Variants in FHOD3 observed in about 807,000 individuals in gnomAD.
FHOD3 encodes the protein formin homology 2 domain containing 3.
FHOD3 carries 90 observed loss-of-function variants against 173.0 expected under a neutral mutation model. The observed-to-expected ratio is 0.52, with a 90% CI of 0.44 to 0.62. The LOEUF is 0.62. Ranked by LOEUF, FHOD3 falls within the 20% of genes least tolerant of loss-of-function variation. The pLI, the probability that FHOD3 is intolerant of heterozygous loss-of-function variation, is 0.00. For synonymous variants in FHOD3, 828 were observed against 823.0 expected (o/e 1.01, Z -0.10); for missense variants, 1,945 against 2,034.7 (o/e 0.96, Z 0.85).
intron 3 of FHOD3, among the ~76,000 whole-genome samples, chr18:36,482,854 CACACAG>C (rs2053989845): frequency 2.3e-4 from 23 of 97,966 alleles, no homozygotes; most frequent in African/African-American, 8.7e-4. Flanking sequence ...CACTCACACA[CACACAG>C]AGAGAGAGAG....
chr18:36,344,317 T>G (rs1847754077), intron 1 of FHOD3, among the ~76,000 whole-genome samples: 1 of 152,184 alleles, frequency 6.6e-6, no homozygotes, highest in Admixed American at 6.5e-5. Flanking sequence ...CAATACTACT[T>G]CATGGGATTT....
chr18:36,578,977 A>G (rs1158812244), intron 6 of FHOD3, among the ~76,000 whole-genome samples: 2 of 152,206 alleles, frequency 1.3e-5, no homozygotes, highest in Admixed American at 6.5e-5. Flanking sequence ...TTTGTTTTCT[A>G]TGGAAAATGG....
intron 3 of FHOD3, among the ~76,000 whole-genome samples, chr18:36,466,789 A>G (rs745804793): frequency 6.6e-6 from 1 of 152,120 alleles, no homozygotes; most frequent in Non-Finnish European, 1.5e-5. Context: ...AGAGTTTCTG[A>G]AAAACAACTC....
rs550215555 is a variant in FHOD3, at chr18:36,571,138, AAATC to A, written c.512-5310_512-5307del. On this transcript the variant is annotated intron_variant, in intron 5 of 28. Coordinates refer to ENST00000590592, the MANE Select transcript of FHOD3 (RefSeq NM_001281740.3). The stretch of plus-strand genomic sequence containing the variant: ...AGGAAATCTACAAAAACAAAACAAA[AAATC>A]AAACACTCCTAGAATTAATGTTTAA... Among the ~76,000 whole-genome samples, 604 of 152,314 alleles carry A rather than the reference AAATC, an allele frequency of 4.0e-3. 1 individual carries two copies. The highest frequency in any genetic ancestry group is 7.1e-3 in the Non-Finnish European group (486 of 68,006).
intron 14 of FHOD3, among the ~76,000 whole-genome samples, chr18:36,659,898 G>A (rs1308634633): frequency 6.6e-6 from 1 of 152,228 alleles, no homozygotes; most frequent in Non-Finnish European, 1.5e-5. Flanking sequence ...ACTCCTGTCT[G>A]TGTCTCCTTC....
At position 36,749,300 on chromosome 18, in the gene FHOD3, C is replaced by T. The variant is rs148033573; in HGVS notation, c.4232+2165C>T. ...TCACCCAGGTACTAAGCCCAGTATC[C>T]GATAGTTATCTTTTCTGCTCCTCTC... On this transcript the variant is annotated intron_variant, in intron 24 of 28. Coordinates refer to ENST00000590592, the MANE Select transcript of FHOD3 (RefSeq NM_001281740.3). 2.5e-4 allele frequency among the ~76,000 whole-genome samples: 38 copies of T among 152,196 alleles called. No homozygotes were observed. The East Asian group carries it at 3.3e-3, about 13-fold the overall frequency.
chr18:36,699,403 T>C (rs917791196), intron 17 of FHOD3, among the ~76,000 whole-genome samples: 2 of 152,216 alleles, frequency 1.3e-5, no homozygotes, highest in African/African-American at 4.8e-5. Context: ...GCTTGTTGGC[T>C]GGGTGAGACA....
intron 10 of FHOD3, among the ~76,000 whole-genome samples, chr18:36,637,005 AC>A (rs2034939115): frequency 6.6e-6 from 1 of 152,158 alleles, no homozygotes; most frequent in Non-Finnish European, 1.5e-5. Flanking sequence ...ACTATGAAGT[AC>A]CTTGGACTCT....
chr18:36,471,095 G>C (rs536442894), intron 3 of FHOD3, among the ~76,000 whole-genome samples: 1 of 152,302 alleles, frequency 6.6e-6, no homozygotes, highest in South Asian at 2.1e-4. Context: ...ATGCAGCTGT[G>C]CCCTAAAACA....
At chr18:36,430,046 T>C (rs1394255937) in intron 3 of FHOD3, among the ~76,000 whole-genome samples, 2 of 152,168 alleles carry the variant, frequency 1.3e-5, no homozygotes, top group African/African-American at 4.8e-5. Flanking sequence ...GGTGTGAAGC[T>C]GAAGATTCAG....
chr18:36,602,529 C>A, intron 7 of FHOD3, 145 bp from the exon 8 acceptor site: 1 of 702,802 alleles, frequency 1.4e-6, no homozygotes, highest in Non-Finnish European at 2.6e-6. Flanking sequence ...TCAAATCCAT[C>A]CTAAGGATAA....
intron 5 of FHOD3, among the ~76,000 whole-genome samples, chr18:36,546,687 T>C (rs12971018): frequency 0.39 from 59,093 of 151,886 alleles, 11,624 homozygotes; most frequent in East Asian, 0.46. Context: ...GGATCTCAAG[T>C]GCACTCAGAT....
chr18:36,406,601 T>C (rs1407474477), intron 3 of FHOD3, among the ~76,000 whole-genome samples: 1 of 152,210 alleles, frequency 6.6e-6, no homozygotes, highest in African/African-American at 2.4e-5. Context: ...CCTGAGCCTA[T>C]CAGTCATATT....
chr18:36,696,128 T>C (rs754988231), intron 17 of FHOD3, among the ~76,000 whole-genome samples: 25 of 152,180 alleles, frequency 1.6e-4, no homozygotes, highest in Non-Finnish European at 8.8e-5. Flanking sequence ...TTATTATCCA[T>C]GTTTTACTGA....
chr18:36,320,299 G>T (rs186533057), intron 1 of FHOD3, among the ~76,000 whole-genome samples: 1,534 of 152,110 alleles, frequency 0.01, 13 homozygotes, highest in Non-Finnish European at 0.018. Context: ...TGATAAAGGG[G>T]ATATCACCAC....
At chr18:36,595,586 C>G (rs1164155482) in intron 7 of FHOD3, among the ~76,000 whole-genome samples, 5 of 152,186 alleles carry the variant, frequency 3.3e-5, no homozygotes, top group African/African-American at 1.2e-4. Flanking sequence ...CCATCCCTGT[C>G]TCTCCAAGTC....
intron 3 of FHOD3, among the ~76,000 whole-genome samples, chr18:36,383,464 G>A (rs1270408655): frequency 1.3e-5 from 2 of 152,184 alleles, no homozygotes; most frequent in African/African-American, 2.4e-5. Flanking sequence ...TTACTTTACA[G>A]GAGGAGAAAA....
At chr18:36,678,006 A>G (rs192213889) in intron 14 of FHOD3, among the ~76,000 whole-genome samples, 3 of 152,328 alleles carry the variant, frequency 2.0e-5, no homozygotes, top group East Asian at 3.9e-4. Flanking sequence ...TGCTATTTCT[A>G]TGTTTTATAT....
At chr18:36,535,264 G>C (rs1462003376) in intron 5 of FHOD3, among the ~76,000 whole-genome samples, 1 of 152,178 alleles carries the variant, frequency 6.6e-6, no homozygotes, top group Non-Finnish European at 1.5e-5. Context: ...TGTCATCCCA[G>C]ATTGGAAGAT....
Sources: gnomAD v4.1 joint callset for allele counts (sites outside exome capture counted in the v4.1 genomes callset) on GRCh38, gnomAD v4.1.1 for gene constraint, MANE v1.5 for transcripts, NCBI Gene and HGNC (gene_info 2026-07-23, HGNC 2026-07-21) for gene names.